Variants in DMD observed in about 807,000 individuals in gnomAD.
The protein encoded by DMD is mutant dystrophin.
Under a neutral mutation model 330.1 loss-of-function variants are expected in DMD, and 63 were observed. The observed-to-expected ratio is 0.19, with a 90% CI of 0.16 to 0.24. The LOEUF is 0.24. Among genes scored for constraint, DMD ranks in the 10% least tolerant of loss-of-function variants. The probability of loss-of-function intolerance (pLI) is 1.00; values close to 1 mark genes in which losing one functional copy is unlikely to be tolerated. For missense variants in DMD, 3,344 were observed against 2,684.1 expected (o/e 1.25, Z -5.43); for synonymous variants, 1,223 against 959.8 (o/e 1.27, Z -5.07).
chrX:33,132,274 CTT>C (rs2095503898), intron 1 of DMD, among the ~76,000 whole-genome samples: 1 of 111,997 alleles, frequency 8.9e-6, no homozygotes, highest in South Asian at 3.7e-4. Flanking sequence ...ATAGGAAACT[CTT>C]TTGGATATCT....
chrX:31,325,326 G>A (rs775046834), intron 61 of DMD, among the ~76,000 whole-genome samples: 4 of 110,007 alleles, frequency 3.6e-5, no homozygotes, highest in South Asian at 3.9e-4. Flanking sequence ...AAGGCCAGGC[G>A]TGGTGGCTCA....
chrX:32,869,149 T>C (rs1172752163), intron 2 of DMD, among the ~76,000 whole-genome samples: 1 of 110,451 alleles, frequency 9.1e-6, no homozygotes, highest in East Asian at 2.9e-4. Context: ...CCCAACAAAC[T>C]GCAGCAGCCC....
At chrX:31,169,770 AC>A (rs1330443183) in intron 73 of DMD, among the ~76,000 whole-genome samples, 169 bp from the exon 74 acceptor site, 1 of 111,755 alleles carries the variant, frequency 8.9e-6, no homozygotes, top group East Asian at 2.8e-4. Flanking sequence ...GTTGTGATCT[AC>A]CATTCTACTG....
At chrX:31,449,459 C>T (rs1317815762) in intron 59 of DMD, among the ~76,000 whole-genome samples, 1 of 110,354 alleles carries the variant, frequency 9.1e-6, no homozygotes, top group African/African-American at 3.3e-5. Context: ...ACAGTTGATC[C>T]AGGTTTGGGG....
At chrX:31,899,575 A>G (rs191505109) in intron 47 of DMD, among the ~76,000 whole-genome samples, 1 of 111,392 alleles carries the variant, frequency 9.0e-6, no homozygotes, top group East Asian at 2.8e-4. Flanking sequence ...TGATTTTCAA[A>G]TCTGGATTTG....
At chrX:33,225,932 C>G (rs1271052835) in intron 1 of DMD, among the ~76,000 whole-genome samples, 2 of 111,203 alleles carry the variant, frequency 1.8e-5, no homozygotes, top group Non-Finnish European at 3.8e-5. Flanking sequence ...GACATTTCAC[C>G]AAAGACAACA....
intron 59 of DMD, among the ~76,000 whole-genome samples, chrX:31,453,774 A>AAAAAAAAAAAAAAAAAAAC (rs2065942895): frequency 9.7e-6 from 1 of 102,918 alleles, no homozygotes. Flanking sequence ...GCAAAAAAAA[A>AAAAAAAAAAAAAAAAAAAC]AAAAAAAAAA....
rs867825040 is a variant in DMD, at chrX:31,749,385, T to C, written c.7543-19637A>G. 5.3e-3 allele frequency among the ~76,000 whole-genome samples: 521 copies of C among 98,876 alleles called. 4 individuals are homozygous for C. Among genetic ancestry groups the C allele is most frequent in the Middle Eastern group, 0.022 (4 of 183 alleles). The allele number at this position is 98,876 out of a possible 115,157, so 85.9% of individuals were successfully genotyped here. A position where few individuals can be genotyped will look rare whatever the true frequency, so the allele number is the denominator to read the frequency against. On this transcript the variant is annotated intron_variant, in intron 51 of 78. Coordinates refer to ENST00000357033, the MANE Select transcript of DMD (RefSeq NM_004006.3). ...TTCAATTCCCACCTATGAATGAGAA[T>C]ATGCGGTGTTTGGTTTTTTGTTCTT...
intron 55 of DMD, among the ~76,000 whole-genome samples, chrX:31,626,181 C>T (rs1326638164): frequency 1.0e-5 from 1 of 95,493 alleles, no homozygotes; most frequent in Non-Finnish European, 2.1e-5. Flanking sequence ...GATGGGGTTT[C>T]GCCATGTTGG....
At chrX:32,883,827 A>C (rs1315842277) in intron 2 of DMD, among the ~76,000 whole-genome samples, 1 of 85,430 alleles carries the variant, frequency 1.2e-5, no homozygotes, top group African/African-American at 4.3e-5. Context: ...CTGTTTCAAA[A>C]AAAAAAAAAA....
intron 52 of DMD, among the ~76,000 whole-genome samples, chrX:31,722,867 G>A (rs755162744): frequency 2.7e-5 from 3 of 109,768 alleles, no homozygotes; most frequent in South Asian, 8.0e-4. Flanking sequence ...CCAACATGAC[G>A]AAACCCCGTC....
chrX:31,731,694 G>A (rs1484709051), intron 51 of DMD, among the ~76,000 whole-genome samples: 1 of 111,488 alleles, frequency 9.0e-6, no homozygotes, highest in Non-Finnish European at 1.9e-5. Flanking sequence ...GAAAAATCGT[G>A]CTTTTCGATA....
rs2094518784 is a variant in DMD at position 33,056,409 on chromosome X, G to A, written c.32-36209C>T. Among the ~76,000 whole-genome samples the A allele has an allele frequency of 2.8e-5, 3 of 107,629 alleles. No homozygotes were observed. The South Asian group carries it at 1.2e-3, about 45-fold the overall frequency. 93.5% of individuals were successfully genotyped at this position (107,629 alleles called of 115,157 possible). ...GAGTTTTGCTCTCTTTGCCCAGGCTGGAGTGTAGTGGCACGATCTCGGCTC... is the reference window on the plus strand; with the variant it reads ...GAGTTTTGCTCTCTTTGCCCAGGCTAGAGTGTAGTGGCACGATCTCGGCTC... On this transcript the variant is annotated intron_variant, in intron 1 of 78. Transcript: ENST00000357033.
chrX:32,736,490 A>C (rs1310997309), intron 7 of DMD, among the ~76,000 whole-genome samples: 13 of 110,472 alleles, frequency 1.2e-4, no homozygotes, highest in African/African-American at 2.4e-4. Context: ...GGCATTATTC[A>C]CGATAGCAAA....
intron 63 of DMD, among the ~76,000 whole-genome samples, chrX:31,248,575 G>A (rs942977820): frequency 1.8e-5 from 2 of 111,436 alleles, no homozygotes; most frequent in Non-Finnish European, 3.8e-5. Context: ...CTGCATAGAG[G>A]GTTGGTTGCC....
intron 44 of DMD, among the ~76,000 whole-genome samples, chrX:32,154,945 A>G (rs943169655): frequency 2.7e-5 from 3 of 111,072 alleles, no homozygotes; most frequent in African/African-American, 9.8e-5. Context: ...AGGGAAGTGG[A>G]TATGAATTGC....
At chrX:32,716,340 A>T (rs1360747475) in intron 7 of DMD, among the ~76,000 whole-genome samples, 1 of 110,262 alleles carries the variant, frequency 9.1e-6, no homozygotes, top group East Asian at 2.9e-4. Flanking sequence ...AAAAGTGTGT[A>T]GTACTGCCCC....
intron 74 of DMD, among the ~76,000 whole-genome samples, chrX:31,152,285 TC>T (rs1481687450): frequency 9.3e-6 from 1 of 107,734 alleles, no homozygotes. Flanking sequence ...TGCCTCAGCC[TC>T]CTGAGTAGCT....
At chrX:33,052,107 T>A (rs756166348) in intron 1 of DMD, among the ~76,000 whole-genome samples, 1 of 111,917 alleles carries the variant, frequency 8.9e-6, no homozygotes, top group Admixed American at 9.5e-5. Flanking sequence ...TAAATCTTAA[T>A]AGAAATGATT....
Sources: allele counts gnomAD v4.1 joint callset (sites outside exome capture counted in the v4.1 genomes callset), GRCh38; gene constraint gnomAD v4.1.1; transcripts MANE v1.5; gene names NCBI Gene and HGNC (gene_info 2026-07-23, HGNC 2026-07-21).